The following NKAIN2 variants were observed in gnomAD, a reference collection of about 807,000 sequenced individuals.
The protein encoded by NKAIN2 is sodium/potassium transporting ATPase interacting 2.
In NKAIN2, 14 loss-of-function variants were observed where a neutral mutation model predicts 32.6. That is an observed-to-expected ratio of 0.43 (90% confidence interval 0.28 to 0.67). NKAIN2 has a LOEUF of 0.67. Among genes scored for constraint, NKAIN2 ranks in the 30% least tolerant of loss-of-function variants. The pLI is 0.17. For missense variants in NKAIN2, 198 were observed against 258.3 expected (o/e 0.77, Z 1.60); for synonymous variants, 80 against 87.2 (o/e 0.92, Z 0.46).
At chr6:124,696,652 C>G (rs1009888627) in intron 4 of NKAIN2, among the ~76,000 whole-genome samples, 1 of 152,022 alleles carries the variant, frequency 6.6e-6, no homozygotes, top group Non-Finnish European at 1.5e-5. Context: ...GTCACCCTGA[C>G]AAGTTAAATT....
At chr6:124,268,426 A>C (rs968326575) in intron 1 of NKAIN2, among the ~76,000 whole-genome samples, 4 of 152,314 alleles carry the variant, frequency 2.6e-5, no homozygotes, top group Middle Eastern at 3.4e-3. Context: ...CTTCAGAGAC[A>C]ATGTCTTAAC....
intron 1 of NKAIN2, among the ~76,000 whole-genome samples, chr6:123,832,165 G>C (rs559805890): frequency 3.9e-4 from 60 of 152,024 alleles, no homozygotes; most frequent in African/African-American, 1.3e-3. Context: ...TGCAACCACT[G>C]ATCTTTTTAC....
intron 3 of NKAIN2, among the ~76,000 whole-genome samples, chr6:124,360,392 A>C (rs941760857): frequency 4.6e-5 from 7 of 152,168 alleles, no homozygotes; most frequent in Non-Finnish European, 8.8e-5. Context: ...CAGAAATTAT[A>C]GTAATCAACC....
In NKAIN2 at chr6:124,415,101, A is replaced by G. The variant is rs185587590; in HGVS notation, c.273+59754A>G. ...AAAGTAATGCATTCTGCAGCAGACA[A>G]CAGCTGGGTATCATTTAATTTAGTT... On this transcript the variant is annotated intron_variant, in intron 3 of 6. Transcript: ENST00000368417. Among the ~76,000 whole-genome samples the G allele has an allele frequency of 2.8e-4, 42 of 152,266 alleles. No individual in the cohort carries two copies. The East Asian group carries it at 6.6e-3, about 24-fold the overall frequency.
At chr6:124,418,067 A>G (rs1386748320) in intron 3 of NKAIN2, among the ~76,000 whole-genome samples, 1 of 152,130 alleles carries the variant, frequency 6.6e-6, no homozygotes, top group Non-Finnish European at 1.5e-5. Flanking sequence ...AAAGTTCAGC[A>G]GCTTGAGAGA....
intron 3 of NKAIN2, among the ~76,000 whole-genome samples, chr6:124,646,676 T>G (rs936677376): frequency 6.6e-6 from 1 of 151,990 alleles, no homozygotes. Context: ...TCAGGCTAGG[T>G]GCAGTGGCTC....
chr6:124,643,010 A>G (rs1191968097), intron 3 of NKAIN2, among the ~76,000 whole-genome samples: 2 of 152,156 alleles, frequency 1.3e-5, no homozygotes, highest in Non-Finnish European at 2.9e-5. Context: ...TAATAATGGC[A>G]TCTGTGTTAC....
intron 3 of NKAIN2, among the ~76,000 whole-genome samples, chr6:124,404,983 G>A (rs1370079549): frequency 6.6e-6 from 1 of 152,110 alleles, no homozygotes; most frequent in East Asian, 1.9e-4. Flanking sequence ...AGTACCTAGT[G>A]AAGTGTCTGG....
At chr6:124,195,851 A>G (rs1380746134) in intron 1 of NKAIN2, among the ~76,000 whole-genome samples, 2 of 151,982 alleles carry the variant, frequency 1.3e-5, no homozygotes, top group African/African-American at 4.8e-5. Flanking sequence ...ACTCTCAGCC[A>G]TCATTTTGGC....
intron 2 of NKAIN2, among the ~76,000 whole-genome samples, chr6:124,332,820 TGA>T (rs1797718449): frequency 6.6e-6 from 1 of 152,208 alleles, no homozygotes; most frequent in African/African-American, 2.4e-5. Context: ...ACTTGTTATA[TGA>T]GAAAAGTATA....
chr6:124,436,241 A>G (rs140894365), intron 3 of NKAIN2, among the ~76,000 whole-genome samples: 2 of 152,164 alleles, frequency 1.3e-5, no homozygotes, highest in Admixed American at 6.6e-5. Flanking sequence ...AAAACTAGCT[A>G]AAAAAGACCC....
intron 4 of NKAIN2, among the ~76,000 whole-genome samples, chr6:124,774,691 A>G (rs1778910610): frequency 2.0e-5 from 3 of 152,038 alleles, no homozygotes; most frequent in African/African-American, 7.2e-5. Flanking sequence ...CCCTGTCTCT[A>G]GTAAAAATAC....
At chr6:124,753,005 C>G (rs753530215) in intron 4 of NKAIN2, among the ~76,000 whole-genome samples, 2 of 152,062 alleles carry the variant, frequency 1.3e-5, no homozygotes, top group Non-Finnish European at 2.9e-5. Context: ...AATTTTTAAA[C>G]ACTTTTCTTA....
intron 1 of NKAIN2, among the ~76,000 whole-genome samples, chr6:123,805,063 A>T (rs979064193): frequency 2.0e-5 from 3 of 152,186 alleles, no homozygotes; most frequent in Non-Finnish European, 2.9e-5. Context: ...GGAAAACGTC[A>T]TGTCTCTGAA....
chr6:124,718,222 C>T (rs911100825), intron 4 of NKAIN2, among the ~76,000 whole-genome samples: 3 of 152,090 alleles, frequency 2.0e-5, no homozygotes, highest in African/African-American at 7.2e-5. Flanking sequence ...TGTACCCATT[C>T]GCCATCTCTC....
chr6:124,167,125 C>A (rs1290540375), intron 1 of NKAIN2, among the ~76,000 whole-genome samples: 1 of 143,300 alleles, frequency 7.0e-6, no homozygotes, highest in Non-Finnish European at 1.5e-5. Flanking sequence ...GCCATTTTCA[C>A]GATATTGATT....
At chr6:124,823,121 G>T in intron 6 of NKAIN2, 99 bp from the exon 7 acceptor site, 6 of 853,266 alleles carry the variant, frequency 7.0e-6, no homozygotes, top group Admixed American at 3.8e-5. Context: ...TTGTTTGTTT[G>T]TTTGTTTGCT....
At chr6:124,137,248 CT>C (rs1218675635) in intron 1 of NKAIN2, among the ~76,000 whole-genome samples, 1 of 152,074 alleles carries the variant, frequency 6.6e-6, no homozygotes, top group African/African-American at 2.4e-5. Flanking sequence ...AGAACTCAAT[CT>C]TTTTTTCAAC....
At chr6:124,209,171 A>G (rs1369060896) in intron 1 of NKAIN2, among the ~76,000 whole-genome samples, 1 of 151,368 alleles carries the variant, frequency 6.6e-6, no homozygotes. Flanking sequence ...CTCTATCTCC[A>G]TGTATTCAAT....
Sources: allele counts gnomAD v4.1 joint callset (sites outside exome capture counted in the v4.1 genomes callset), GRCh38; gene constraint gnomAD v4.1.1; transcripts MANE v1.5; gene names NCBI Gene and HGNC (gene_info 2026-07-23, HGNC 2026-07-21).